ADAMTS8: variants seen among roughly 807,000 people sequenced by gnomAD.
ADAMTS8 encodes the protein A disintegrin and metalloproteinase with thrombospondin motifs 8.
ADAMTS8 carries 50 observed loss-of-function variants against 64.4 expected under a neutral mutation model. That is an observed-to-expected ratio of 0.78 (90% CI 0.62 to 0.98). The LOEUF is 0.98. Among genes scored for constraint, ADAMTS8 ranks in the 50% least tolerant of loss-of-function variants. The pLI is 0.00. For missense variants in ADAMTS8, 1,192 were observed against 1,208.2 expected, an observed-to-expected ratio of 0.99 and a Z score of 0.20; for synonymous variants, 556 against 533.6, an observed-to-expected ratio of 1.04 and a Z score of -0.58.
Position 130,414,774 on chromosome 11 carries a change from G to A in ADAMTS8, c.1323C>T (p.Gly441=). Residue 441 remains glycine, a synonymous_variant, in exon 5 of 9, where the codon GGC becomes GGT. Coordinates refer to ENST00000257359, the MANE Select transcript of ADAMTS8 (RefSeq NM_007037.6). ...GGTCCAGCTGGTACAGGGCCATGCG[G>A]CCCGGGAGGCCTGTGGGGAGGGGCA... is the stretch of plus-strand genomic sequence containing the variant. ...AALPLPTGLP[G]RMALYQLDQQ... 1 of 1,613,242 alleles carries A rather than the reference G, an allele frequency of 6.2e-7. No homozygotes were observed. Among genetic ancestry groups the A allele is most frequent in the East Asian group, 2.2e-5 (1 of 44,874 alleles).
In ADAMTS8 at chr11:130,404,955, C is replaced by T; in HGVS notation, c.*603G>A. ...AAGATCACACTTTAGTTCAGAGACA[C>T]ATTTGCATAAATACTTGAAATGGAT... On this transcript the variant is annotated 3_prime_UTR_variant, in exon 9 of 9. Coordinates refer to ENST00000257359, the MANE Select transcript of ADAMTS8 (RefSeq NM_007037.6). 2 of 980,132 alleles carry T rather than the reference C, an allele frequency of 2.0e-6. No homozygotes were observed. Among genetic ancestry groups the T allele is most frequent in the African/African-American group, 1.7e-5 (1 of 57,238 alleles). The allele number at this position is 980,132 out of a possible 1,614,324, so 60.7% of individuals were successfully genotyped here. A position where few individuals can be genotyped will look rare whatever the true frequency, so the allele number is the denominator to read the frequency against.
At position 130,427,611 on chromosome 11, in the gene ADAMTS8, C is replaced by T; in HGVS notation, c.676G>A (p.Val226Met). 1.3e-6 allele frequency: 2 copies of T among 1,549,942 alleles called. No homozygotes were observed. Among genetic ancestry groups the T allele is most frequent in the Non-Finnish European group, 1.7e-6 (2 of 1,150,956 alleles). Residue 226 changes from valine to methionine, a missense_variant, in exon 1 of 9, where the codon GTG becomes ATG. Physicochemically the swap from Val to Met is conservative, Grantham distance 21. Transcript: ENST00000257359. ...AAGGCAGCCATGGACGCATCGGCCA[C>T]CAGCAGCGTCTCCACGAAGCGCGCC... ...SEARFVETLL[V>M]ADASMAAFYG...
At position 130,419,249 on chromosome 11, in the gene ADAMTS8, T is replaced by C; in HGVS notation, c.764A>G (p.Lys255Arg). ...GATGGAATTCTTGATGCTGGGGTGC[T>C]TGTAGATTCGGGCTGCCACAGACAT... ...TLMSVAARIY[K>R]HPSIKNSINL... Residue 255 changes from lysine (K) to arginine (R), a missense_variant, in exon 2 of 9, where the codon AAG becomes AGG. Physicochemically the swap from Lys to Arg is conservative, Grantham distance 26. Coordinates refer to ENST00000257359, the MANE Select transcript of ADAMTS8 (RefSeq NM_007037.6). 6.2e-7 allele frequency: 1 copy of C among 1,614,052 alleles called. No homozygotes were observed. Among genetic ancestry groups the C allele is most frequent in the Admixed American group, 1.7e-5 (1 of 60,020 alleles).
intron 1 of ADAMTS8, among the ~76,000 whole-genome samples, chr11:130,426,100 C>T (rs574785963): frequency 6.6e-6 from 1 of 152,194 alleles, no homozygotes; most frequent in Non-Finnish European, 1.5e-5. Flanking sequence ...TCAGCGTGAC[C>T]CAAAGCTGCT....
chr11:130,423,733 G>A (rs1355879502), intron 1 of ADAMTS8, among the ~76,000 whole-genome samples: 2 of 152,186 alleles, frequency 1.3e-5, no homozygotes, highest in South Asian at 2.1e-4. Context: ...AAGCACTGGC[G>A]GGACAGGCGT....
chr11:130,428,225 A>G lies in ADAMTS8; in HGVS notation c.62T>C (p.Leu21Pro), dbSNP rs11222097. The G allele has an allele frequency of 1.2e-4, 25 of 211,276 alleles. No homozygotes were observed. The East Asian group carries it at 4.2e-3, about 35-fold the overall frequency. The allele number at this position is 211,276 out of a possible 1,614,324, so 13.1% of individuals were successfully genotyped here. A position where few individuals can be genotyped will look rare whatever the true frequency, so the allele number is the denominator to read the frequency against. Residue 21 changes from leucine to proline, a missense_variant, in exon 1 of 9, where the codon CTG becomes CCG. Around this residue, in one of 5 missense-constraint regions of ADAMTS8, gnomAD observed 741 missense variants for 710.6 expected, o/e 1.04. Transcript: ENST00000257359. ...GGCCGGGGCGCCGCGGGCCAGCGGC[A>G]GCAGCAGCAGCAGCAGCAGCAGGAG... ...PPLLLLLLLL[L>P]PLARGAPARP...
At chr11:130,419,356 C>A (rs1019230217) in intron 1 of ADAMTS8, 64 bp from the exon 2 acceptor site, 20 of 1,597,700 alleles carry the variant, frequency 1.3e-5, no homozygotes, top group Non-Finnish European at 1.6e-5. Flanking sequence ...TTGGCCTGGC[C>A]TGTCCGCTGC....
At chr11:130,407,384 T>TA (rs1196434000) in intron 8 of ADAMTS8, among the ~76,000 whole-genome samples, 7 of 151,372 alleles carry the variant, frequency 4.6e-5, no homozygotes, top group Middle Eastern at 3.4e-3. Context: ...AAAAATAAAT[T>TA]AAAAAAAATG....
At chr11:130,424,096 T>C (rs6590459) in intron 1 of ADAMTS8, among the ~76,000 whole-genome samples, 131,502 of 152,212 alleles carry the variant, frequency 0.86, 57,308 homozygotes, top group East Asian at 0.96. Flanking sequence ...TGGGCCTGGA[T>C]GGCTTTGAAC....
chr11:130,412,706 T>C (rs1230054306), intron 5 of ADAMTS8, among the ~76,000 whole-genome samples: 1 of 152,234 alleles, frequency 6.6e-6, no homozygotes, highest in Admixed American at 6.5e-5. Context: ...AAAACACCAC[T>C]ACCCAGATAA....
In ADAMTS8 at chr11:130,427,946, G is replaced by A. The variant is rs1229426948; in HGVS notation, c.341C>T (p.Ala114Val). 1 of 1,531,838 alleles carries A rather than the reference G, an allele frequency of 6.5e-7. No homozygotes were observed. Among genetic ancestry groups the A allele is most frequent in the South Asian group, 1.2e-5 (1 of 83,880 alleles). The allele number at this position is 1,531,838 out of a possible 1,614,324, so 94.9% of individuals were successfully genotyped here. The change falls in exon 1 of 9, where the codon GCG becomes GTG. Residue 114 changes from alanine (A) to valine (V), a missense_variant. Physicochemically the swap from Ala to Val is moderately conservative, Grantham distance 64. Transcript: ENST00000257359. ...GTVNGEPESL[A>V]AVSLCRGLSG... ...CAGCCCGCGGCACAGGCTGACCGCC[G>A]CCAGCGACTCGGGCTCCCCATTCAC...
intron 6 of ADAMTS8, among the ~76,000 whole-genome samples, chr11:130,409,295 A>G (rs1311759685): frequency 6.6e-6 from 1 of 152,166 alleles, no homozygotes; most frequent in Non-Finnish European, 1.5e-5. Flanking sequence ...TTCTCAGGAC[A>G]CTACTAATTG....
chr11:130,412,212 C>T (rs901034113), intron 5 of ADAMTS8: 1 of 152,302 alleles, frequency 6.6e-6, no homozygotes, highest in Non-Finnish European at 1.5e-5. Context: ...GGGAAAGAAA[C>T]AGAATTGCTT....
At chr11:130,409,363 A>T (rs1274835726) in intron 6 of ADAMTS8, among the ~76,000 whole-genome samples, 1 of 152,000 alleles carries the variant, frequency 6.6e-6, no homozygotes, top group Non-Finnish European at 1.5e-5. Context: ...CTAAATCTAC[A>T]TGTCTAGCTC....
intron 2 of ADAMTS8, 110 bp downstream of exon 2, chr11:130,418,943 G>C: frequency 6.5e-7 from 1 of 1,535,048 alleles, no homozygotes; most frequent in South Asian, 1.2e-5. Context: ...GCGTCCAGCT[G>C]GGGCCAGCAG....
chr11:130,428,339 G>T lies in ADAMTS8; in HGVS notation c.-53C>A, dbSNP rs934202366. The T allele has an allele frequency of 1.6e-6, 2 of 1,262,876 alleles. No individual in the cohort carries two copies. Among genetic ancestry groups the T allele is most frequent in the African/African-American group, 1.6e-5 (1 of 63,212 alleles). The allele number at this position is 1,262,876 out of a possible 1,614,324, so 78.2% of individuals were successfully genotyped here. A position where few individuals can be genotyped will look rare whatever the true frequency, so the allele number is the denominator to read the frequency against. ...GAGAGGGAAGAAGCCCGCCAGGCGC[G>T]GGCAGGTGCTGGCGGCCCGAGCGCG... is the stretch of plus-strand genomic sequence containing the variant. On this transcript the variant is annotated 5_prime_UTR_variant, in exon 1 of 9. Transcript: ENST00000257359.
chr11:130,425,808 A>T (rs1028692508), intron 1 of ADAMTS8, among the ~76,000 whole-genome samples: 1 of 151,768 alleles, frequency 6.6e-6, no homozygotes, highest in Non-Finnish European at 1.5e-5. Context: ...TCACCGTGTT[A>T]GCCAGGATGG....
Position 130,411,810 on chromosome 11 carries a change from T to C in ADAMTS8, c.1567-210A>G. 2 of 596,246 alleles carry C rather than the reference T, an allele frequency of 3.4e-6. No homozygotes were observed. The highest frequency in any genetic ancestry group is 3.0e-6 in the Non-Finnish European group (1 of 338,124). 36.9% of individuals were successfully genotyped at this position (596,246 alleles called of 1,614,324 possible). On this transcript the variant is annotated intron_variant, in intron 5 of 8. Coordinates refer to ENST00000257359, the MANE Select transcript of ADAMTS8 (RefSeq NM_007037.6). This position sits in a 1 kb window ranked among gnomAD's most constrained non-coding sequence, Gnocchi z 4.2. Reference sequence around the variant, plus strand: ...AGACCAGGCTGGACTCATTCACTACTGACTCCTCAGTGTCTAAAACAGTGC... The same window carrying C: ...AGACCAGGCTGGACTCATTCACTACCGACTCCTCAGTGTCTAAAACAGTGC...
rs771991807 is a variant in ADAMTS8, at chr11:130,408,492, T to C, written c.2071A>G (p.Lys691Glu). The C allele has an allele frequency of 1.9e-6, 3 of 1,613,940 alleles. No homozygotes were observed. Among genetic ancestry groups the C allele is most frequent in the Middle Eastern group, 1.7e-4 (1 of 5,958 alleles). The change falls in exon 8 of 9, where the codon AAG becomes GAG. Residue 691 changes from lysine to glutamate, a missense_variant. Physicochemically the swap from Lys to Glu is moderately conservative, Grantham distance 56. Transcript: ENST00000257359. ...VCGGKGNSCR[K>E]VSGSLTPTNY... is the part of the protein sequence containing the mutation. ...GTGGGGGTGAGGGACCCGGAGACCTTCCTGCAGGAGTTGCCTTTGCCCCCA... is the reference window on the plus strand; with the variant it reads ...GTGGGGGTGAGGGACCCGGAGACCTCCCTGCAGGAGTTGCCTTTGCCCCCA...
Sources: allele counts gnomAD v4.1 joint callset (sites outside exome capture counted in the v4.1 genomes callset), GRCh38; gene constraint gnomAD v4.1.1; regional missense constraint gnomAD v4.1.1; non-coding constraint Gnocchi (gnomAD v3.1); transcripts MANE v1.5; gene names NCBI Gene and HGNC (gene_info 2026-07-23, HGNC 2026-07-21).